AP4E1: variants seen among roughly 807,000 people sequenced by gnomAD.
AP4E1 encodes the protein AP-4 complex subunit epsilon-1.
AP4E1 carries 56 observed loss-of-function variants against 128.2 expected under a neutral mutation model. That is an observed-to-expected ratio of 0.44 (90% confidence interval 0.35 to 0.55). The LOEUF (loss-of-function observed/expected upper bound fraction) is 0.55. Among genes scored for constraint, AP4E1 ranks in the 20% least tolerant of loss-of-function variants. AP4E1 has a pLI of 0.00. For synonymous variants in AP4E1, 484 were observed against 473.1 expected (o/e 1.02, Z -0.30); for missense variants, 1,324 against 1,307.7 (o/e 1.01, Z -0.19).
chr15:50,936,530 A>G (rs1170916637), intron 8 of AP4E1, among the ~76,000 whole-genome samples: 1 of 152,098 alleles, frequency 6.6e-6, no homozygotes, highest in Non-Finnish European at 1.5e-5. Flanking sequence ...CTTATCACCC[A>G]CCACCCAGTT....
At chr15:50,968,958 A>T (rs945154110) in intron 15 of AP4E1, among the ~76,000 whole-genome samples, 4 of 151,608 alleles carry the variant, frequency 2.6e-5, no homozygotes, top group African/African-American at 9.7e-5. Context: ...TTTTGATAAT[A>T]TATTTATTAA....
At position 50,958,475 on chromosome 15, in the gene AP4E1, CTT is replaced by C; in HGVS notation, c.1549-15_1549-14del. The C allele has an allele frequency of 6.3e-7, 1 of 1,593,758 alleles. No homozygotes were observed. The highest frequency in any genetic ancestry group is 8.6e-7 in the Non-Finnish European group (1 of 1,165,570). ...ACTTGATATTTCTATATGAATATCT[CTT>C]TGTTTTATTTACAGGTATTAGGGGA... On this transcript the variant is annotated splice_polypyrimidine_tract_variant and intron_variant, in intron 13 of 20. Transcript: ENST00000261842.
At chr15:50,993,340 T>G in intron 16 of AP4E1, 30 bp from the exon 17 acceptor site, 1 of 1,612,910 alleles carries the variant, frequency 6.2e-7, no homozygotes, top group East Asian at 2.2e-5. Flanking sequence ...GTTATTTAAG[T>G]TGACTTGATT....
In AP4E1 at chr15:50,908,696, G is replaced by A. The variant is rs2063525979; in HGVS notation, c.-83G>A. On this transcript the variant is annotated 5_prime_UTR_variant, in exon 1 of 21. Transcript: ENST00000261842. Reference sequence around the variant, plus strand: ...CAAAAAACAGGAAGTGCCTACGGAGGCCGGGCCGGCAGCGGCGGCCGGGCA... The same window carrying A: ...CAAAAAACAGGAAGTGCCTACGGAGACCGGGCCGGCAGCGGCGGCCGGGCA... The A allele has an allele frequency of 2.9e-6, 4 of 1,376,254 alleles. No homozygotes were observed. The highest frequency in any genetic ancestry group is 3.8e-6 in the Non-Finnish European group (4 of 1,063,538). The allele number at this position is 1,376,254 out of a possible 1,614,324, so 85.3% of individuals were successfully genotyped here.
chr15:50,992,864 G>A (rs922022333), intron 16 of AP4E1, among the ~76,000 whole-genome samples: 2 of 151,996 alleles, frequency 1.3e-5, no homozygotes, highest in Non-Finnish European at 1.5e-5. Flanking sequence ...ATGTTTCCTG[G>A]GTTGTAAAAC....
chr15:50,915,722 A>G, intron 3 of AP4E1, 151 bp downstream of exon 3: 1 of 958,618 alleles, frequency 1.0e-6, no homozygotes, highest in Admixed American at 2.6e-5. Flanking sequence ...CAGAAAGTCA[A>G]AGCCATTTAT....
chr15:50,908,137 A>G (rs2063514862), upstream of AP4E1, among the ~76,000 whole-genome samples: 1 of 152,178 alleles, frequency 6.6e-6, no homozygotes, highest in Non-Finnish European at 1.5e-5. Context: ...GCGGACGGGA[A>G]GCGACAGTGG....
At chr15:50,952,601 G>T (rs1325801796) in intron 13 of AP4E1, among the ~76,000 whole-genome samples, 1 of 151,528 alleles carries the variant, frequency 6.6e-6, no homozygotes, top group Non-Finnish European at 1.5e-5. Context: ...ACCAAAAAAT[G>T]TCTCTTAGGG....
intron 14 of AP4E1, among the ~76,000 whole-genome samples, chr15:50,964,956 CA>C (rs2064367829): frequency 4.5e-4 from 2 of 4,452 alleles, no homozygotes; most frequent in Admixed American, 1.5e-3. Flanking sequence ...CTCCCCCTAC[CA>C]CACACACACA....
chr15:50,973,702 T>C (rs927424575), intron 15 of AP4E1, among the ~76,000 whole-genome samples: 12 of 152,232 alleles, frequency 7.9e-5, no homozygotes, highest in African/African-American at 2.9e-4. Context: ...TCACTTAGCA[T>C]AATATTCTTA....
At chr15:50,911,587 A>G (rs564823662) in intron 1 of AP4E1, among the ~76,000 whole-genome samples, 2 of 148,938 alleles carry the variant, frequency 1.3e-5, no homozygotes, top group South Asian at 4.2e-4. Context: ...GGTTCAAGCG[A>G]TTCTCCTGCC....
chr15:50,909,735 T>C (rs562590719), intron 1 of AP4E1, among the ~76,000 whole-genome samples: 1 of 152,306 alleles, frequency 6.6e-6, no homozygotes, highest in East Asian at 1.9e-4. Context: ...TCGCGCAGGC[T>C]GGAGTGCAGT....
intron 15 of AP4E1, among the ~76,000 whole-genome samples, chr15:50,975,602 A>G (rs2064540501): frequency 6.6e-6 from 1 of 151,696 alleles, no homozygotes; most frequent in African/African-American, 2.4e-5. Flanking sequence ...ATATTAGTTG[A>G]CTATACATGC....
chr15:50,993,616 A>C lies in AP4E1; in HGVS notation c.2337A>C (p.Thr779=), dbSNP rs752425696. The change falls in exon 17 of 21, where the codon ACA becomes ACC. Residue 779 remains threonine, a synonymous_variant. Transcript: ENST00000261842. ...SLFVGLGSES[T]INLLGKADTV... is the part of the protein sequence containing the mutation. The stretch of plus-strand genomic sequence containing the variant: ...TTGTTGGTCTAGGATCAGAAAGTAC[A>C]ATCAACCTGGTAAGTAATCGGTTCT... 1.2e-6 allele frequency: 2 copies of C among 1,613,978 alleles called. No individual in the cohort carries two copies. The highest frequency in any genetic ancestry group is 4.5e-5 in the East Asian group (2 of 44,862).
At chr15:50,981,562 G>A (rs1317223137) in intron 15 of AP4E1, among the ~76,000 whole-genome samples, 1 of 152,186 alleles carries the variant, frequency 6.6e-6, no homozygotes, top group Non-Finnish European at 1.5e-5. Context: ...ATGAGTTAAG[G>A]CTTTTGAGAC....
chr15:50,976,011 C>T (rs1337334051), intron 15 of AP4E1, among the ~76,000 whole-genome samples: 1 of 151,708 alleles, frequency 6.6e-6, no homozygotes, highest in Non-Finnish European at 1.5e-5. Flanking sequence ...TCAACCTCTT[C>T]CAAAAATTTA....
intron 16 of AP4E1, among the ~76,000 whole-genome samples, chr15:50,985,979 T>C (rs2064717368): frequency 1.3e-5 from 2 of 152,216 alleles, no homozygotes; most frequent in South Asian, 2.1e-4. Context: ...TATCCTCATT[T>C]ATTTCTTTGA....
Position 50,948,087 on chromosome 15 carries a change from A to C in AP4E1, c.1244A>C (p.Glu415Ala), listed in dbSNP as rs192755368. The C allele has an allele frequency of 1.2e-6, 2 of 1,613,730 alleles. No homozygotes were observed. Among genetic ancestry groups the C allele is most frequent in the Non-Finnish European group, 8.5e-7 (1 of 1,179,744 alleles). Residue 415 changes from glutamate (E) to alanine (A), a missense_variant, in exon 11 of 21, where the codon GAA becomes GCA. By Grantham distance (107) the Glu-to-Ala change is moderately radical. Coordinates refer to ENST00000261842, the MANE Select transcript of AP4E1 (RefSeq NM_007347.5). The stretch of plus-strand genomic sequence containing the variant: ...ACAGTTATTGTCCAGAAAATGCTTG[A>C]ATATTTACATCAGAGCAAAGAAGAG... ...NITVIVQKMLEYLHQSKEEYV... is the reference protein window; with the variant it reads ...NITVIVQKMLAYLHQSKEEYV...
chr15:50,986,664 G>C lies in AP4E1; in HGVS notation c.2090+2519G>C, dbSNP rs566157210. Reference sequence around the variant, plus strand: ...TGCATCCCAGGGATGAAGCCCACTTGATCATGGTGGATAATCTTTTTGATG... The same window carrying C: ...TGCATCCCAGGGATGAAGCCCACTTCATCATGGTGGATAATCTTTTTGATG... On this transcript the variant is annotated intron_variant, in intron 16 of 20. Coordinates refer to ENST00000261842, the MANE Select transcript of AP4E1 (RefSeq NM_007347.5). Among the ~76,000 whole-genome samples, 272 of 152,248 alleles carry C rather than the reference G, an allele frequency of 1.8e-3. 2 individuals carry two copies. The highest frequency in any genetic ancestry group is 6.3e-3 in the African/African-American group (262 of 41,526).
Sources: allele counts gnomAD v4.1 joint callset (sites outside exome capture counted in the v4.1 genomes callset), GRCh38; gene constraint gnomAD v4.1.1; transcripts MANE v1.5; gene names NCBI Gene and HGNC (gene_info 2026-07-23, HGNC 2026-07-21).